The following MYO15B variants were observed in gnomAD, a reference collection of about 807,000 sequenced individuals.
The protein encoded by MYO15B is myosin XVB pseudogene.
Under a neutral mutation model 119.3 loss-of-function variants are expected in MYO15B, and 207 were observed. The observed-to-expected ratio is 1.73, with a 90% CI of 1.55 to 1.95. The LOEUF (loss-of-function observed/expected upper bound fraction) is 1.95. Among genes scored for constraint, MYO15B ranks in the 30% most tolerant of loss-of-function variants. The pLI is 0.00. For synonymous variants in MYO15B, 966 were observed against 498.9 expected, an observed-to-expected ratio of 1.94 and a Z score of -12.48; for missense variants, 2,264 against 1,203.1, an observed-to-expected ratio of 1.88 and a Z score of -13.04.
chr17:75,618,283 C>T, intron 43 of MYO15B, 98 bp downstream of exon 43: 1 of 675,522 alleles, frequency 1.5e-6, no homozygotes, highest in Non-Finnish European at 2.7e-6. Context: ...CCACGTAGGG[C>T]ATGTTGGCAG....
At chr17:75,617,002 G>T (rs2058415036) in intron 40 of MYO15B, 41 bp downstream of exon 40, 1 of 701,298 alleles carries the variant, frequency 1.4e-6, no homozygotes, top group Admixed American at 2.0e-5. Context: ...GTGTGCTGCT[G>T]CACTGGGGAG....
At chr17:75,620,167 C>T (rs2058624527) in intron 47 of MYO15B, 79 bp from the exon 48 acceptor site, 12 of 697,192 alleles carry the variant, frequency 1.7e-5, no homozygotes, top group Admixed American at 4.0e-5. Flanking sequence ...GGCAGGCCAG[C>T]AGGGGGAGCA....
intron 23 of MYO15B, 147 bp from the exon 24 acceptor site, chr17:75,611,454 G>GT (rs1568176302): frequency 6.6e-6 from 4 of 605,518 alleles, no homozygotes; most frequent in Non-Finnish European, 1.2e-5. Context: ...GGGTGACAGA[G>GT]TGAGACCCTG....
intron 60 of MYO15B, 143 bp from the exon 61 acceptor site, chr17:75,625,384 C>T: frequency 1.5e-6 from 1 of 646,566 alleles, no homozygotes; most frequent in South Asian, 1.7e-5. Context: ...CCCCGAGCTC[C>T]TCTGGTGCAG....
At chr17:75,596,519 G>A in exon 13 of MYO15B, 1 of 703,028 alleles carries the variant, frequency 1.4e-6, no homozygotes, top group Non-Finnish European at 2.6e-6. Flanking sequence ...AGCGCCTACA[G>A]CTCTTCTCCA....
intron 40 of MYO15B, 25 bp downstream of exon 40, chr17:75,616,986 C>A (rs559729514): frequency 2.8e-6 from 2 of 702,834 alleles, no homozygotes; most frequent in East Asian, 5.4e-5. Context: ...CTGTCTCCCC[C>A]AGAGTGTGTG....
chr17:75,590,156 CG>C lies in MYO15B; in HGVS notation c.2102del (p.Gly701AlafsTer60). The C allele has an allele frequency of 2.5e-6, 1 of 399,082 alleles. No individual in the cohort carries two copies. Among genetic ancestry groups the C allele is most frequent in the Non-Finnish European group, 4.4e-6 (1 of 226,092 alleles). 24.7% of individuals were successfully genotyped at this position (399,082 alleles called of 1,614,324 possible). A position where few individuals can be genotyped will look rare whatever the true frequency, so the allele number is the denominator to read the frequency against. On this transcript the variant is annotated frameshift_variant, in exon 1 of 64. Transcript: ENST00000645453. LOFTEE classifies it high-confidence loss of function. ...AGGGACCTGGAGCTGAGCCTCCGGC[CG>C]GGCCTGGAGGCGCCACCCTTCCCCG...
intron 22 of MYO15B, 141 bp from the exon 23 acceptor site, chr17:75,610,759 C>A: frequency 1.6e-6 from 1 of 635,668 alleles, no homozygotes; most frequent in Non-Finnish European, 2.9e-6. Context: ...CCAGGGGTGG[C>A]TGGCCCCTCC....
intron 23 of MYO15B, 67 bp downstream of exon 23, chr17:75,611,026 G>A (rs1157836613): frequency 2.8e-6 from 2 of 702,178 alleles, no homozygotes; most frequent in Non-Finnish European, 5.2e-6. Context: ...GGACAGCTTA[G>A]AGGGCTGCCA....
exon 6 of MYO15B, chr17:75,592,007 T>C (rs1230420709): frequency 4.3e-6 from 3 of 702,662 alleles, no homozygotes; most frequent in Non-Finnish European, 7.8e-6. Context: ...ACTCAGCAGC[T>C]TTGGCCATGC....
rs2058678407 is a variant in MYO15B, at chr17:75,621,030, G to A, written c.7726-1G>A. On this transcript the variant is annotated splice_acceptor_variant, in intron 49 of 63. Coordinates refer to ENST00000645453, the Ensembl canonical transcript of MYO15B. LOFTEE classifies it high-confidence loss of function. ...TGGCACCAGGTTTCTTGTGATCCCA[G>A]CGCCCTGCCCACCCTTGGAGCCAGG... The A allele has an allele frequency of 1.4e-6, 1 of 702,746 alleles. No individual in the cohort carries two copies. 43.5% of individuals were successfully genotyped at this position (702,746 alleles called of 1,614,324 possible).
chr17:75,606,682 A>C (rs999402328), intron 21 of MYO15B, among the ~76,000 whole-genome samples: 3 of 152,052 alleles, frequency 2.0e-5, no homozygotes, highest in Non-Finnish European at 4.4e-5. Context: ...CATGTTGGTC[A>C]GGCTGGTCTC....
chr17:75,619,630 G>T (rs558806982), intron 45 of MYO15B, 51 bp from the exon 46 acceptor site: 260 of 699,164 alleles, frequency 3.7e-4, no homozygotes, highest in Admixed American at 1.6e-3. Flanking sequence ...AGGGCATCTT[G>T]GGCAGTAGCA....
Position 75,615,083 on chromosome 17 carries a change from C to T in MYO15B, c.5641+41C>T, listed in dbSNP as rs539334194. 130 of 695,738 alleles carry T rather than the reference C, an allele frequency of 1.9e-4. 3 individuals carry two copies. Among genetic ancestry groups the T allele is most frequent in the South Asian group, 1.6e-3 (108 of 67,110 alleles). 43.1% of individuals were successfully genotyped at this position (695,738 alleles called of 1,614,324 possible). A position where few individuals can be genotyped will look rare whatever the true frequency, so the allele number is the denominator to read the frequency against. ...ATTCCTCACCCAGGGCCTCCGGGCC[C>T]GGCAGCATGGCAGGCATGGCCTGGG... On this transcript the variant is annotated intron_variant, in intron 33 of 63. Transcript: ENST00000645453.
intron 14 of MYO15B, among the ~76,000 whole-genome samples, chr17:75,600,376 C>T (rs1184394496): frequency 1.3e-5 from 2 of 151,650 alleles, no homozygotes; most frequent in African/African-American, 2.4e-5. Flanking sequence ...GATTGTGGGA[C>T]CATTCTCCCA....
Position 75,621,816 on chromosome 17 carries a change from G to A in MYO15B, c.8006-188G>A, listed in dbSNP as rs139088731. On this transcript the variant is annotated intron_variant, in intron 52 of 63. Coordinates refer to ENST00000645453, the Ensembl canonical transcript of MYO15B. Reference sequence around the variant, plus strand: ...CAGAGGATGCTATGTGCTGTGTGGGGCCTTGGATACCCAGGAGCCTCAGTT... The same window carrying A: ...CAGAGGATGCTATGTGCTGTGTGGGACCTTGGATACCCAGGAGCCTCAGTT... 1.9e-3 allele frequency: 1,135 copies of A among 610,308 alleles called. 10 individuals carry two copies. The highest frequency in any genetic ancestry group is 0.018 in the African/African-American group (1,006 of 54,410). The allele number at this position is 610,308 out of a possible 1,614,324, so 37.8% of individuals were successfully genotyped here. A position where few individuals can be genotyped will look rare whatever the true frequency, so the allele number is the denominator to read the frequency against.
chr17:75,606,047 G>A (rs1224864543), intron 21 of MYO15B, 26 bp downstream of exon 21: 3 of 667,292 alleles, frequency 4.5e-6, no homozygotes, highest in East Asian at 2.7e-5. Context: ...AGCCAGGGCT[G>A]AAGTGGGTGG....
Position 75,626,175 on chromosome 17 carries a change from G to GTCAACTATGGC in MYO15B, c.9164_9174dup (p.Ala3059ThrfsTer28). The GTCAACTATGGC allele has an allele frequency of 1.4e-6, 1 of 703,090 alleles. No individual in the cohort carries two copies. The highest frequency in any genetic ancestry group is 1.5e-5 in the South Asian group (1 of 67,610). 43.6% of individuals were successfully genotyped at this position (703,090 alleles called of 1,614,324 possible). A position where few individuals can be genotyped will look rare whatever the true frequency, so the allele number is the denominator to read the frequency against. On this transcript the variant is annotated frameshift_variant, in exon 63 of 64. Coordinates refer to ENST00000645453, the Ensembl canonical transcript of MYO15B. LOFTEE classifies it high-confidence loss of function. ...GGAGAAGGGGCCCCCTGGCCTGGAA[G>GTCAACTATGGC]TCAACTATGGCTCAGCTGACAACCC... is the stretch of plus-strand genomic sequence containing the variant.
At chr17:75,618,657 C>G (rs1333300097) in intron 43 of MYO15B, among the ~76,000 whole-genome samples, 2 of 152,150 alleles carry the variant, frequency 1.3e-5, no homozygotes, top group African/African-American at 2.4e-5. Flanking sequence ...TCAACAACAA[C>G]AAGAAGTAGG....
Sources: allele counts gnomAD v4.1 joint callset (sites outside exome capture counted in the v4.1 genomes callset), GRCh38; gene constraint gnomAD v4.1.1; transcripts MANE v1.5; gene names NCBI Gene and HGNC (gene_info 2026-07-23, HGNC 2026-07-21).